The following HDAC8 variants were observed in gnomAD, a reference collection of about 807,000 sequenced individuals.
HDAC8 encodes the protein histone deacetylase 8, also known as histone deacetylase-like 1.
Under a neutral mutation model 32.2 loss-of-function variants are expected in HDAC8, and 1 was observed. That is an observed-to-expected ratio of 0.03 (90% confidence interval 0.01 to 0.15). The LOEUF is 0.15. HDAC8 is among the 10% of genes least tolerant of loss of function. The pLI is 1.00. For missense variants in HDAC8, 117 were observed against 300.0 expected (o/e 0.39, Z 4.51); for synonymous variants, 108 against 113.9 (o/e 0.95, Z 0.33).
At chrX:72,346,848 C>T (rs1366774543) in intron 10 of HDAC8, among the ~76,000 whole-genome samples, 1 of 112,130 alleles carries the variant, frequency 8.9e-6, no homozygotes, top group Non-Finnish European at 1.9e-5. Flanking sequence ...AGGCTGTCTT[C>T]TTCCCATTTC....
intron 10 of HDAC8, among the ~76,000 whole-genome samples, chrX:72,335,928 TAAC>T (rs1205579004): frequency 2.3e-3 from 242 of 103,498 alleles, no homozygotes; most frequent in African/African-American, 7.0e-3. Flanking sequence ...AAAAAAAAAT[TAAC>T]AACAACAACA....
chrX:72,361,947 C>T (rs782243433), intron 9 of HDAC8, among the ~76,000 whole-genome samples: 3 of 111,667 alleles, frequency 2.7e-5, no homozygotes, highest in African/African-American at 9.8e-5. Flanking sequence ...GAGATATGAA[C>T]TTGAACCAAT....
At chrX:72,520,549 A>G (rs1164714489) in intron 4 of HDAC8, among the ~76,000 whole-genome samples, 2 of 112,268 alleles carry the variant, frequency 1.8e-5, no homozygotes, top group African/African-American at 6.5e-5. Context: ...ATTTGAAAGT[A>G]AGCTACAAAT....
chrX:72,539,784 A>C (rs980323552), intron 4 of HDAC8, among the ~76,000 whole-genome samples: 2 of 111,523 alleles, frequency 1.8e-5, no homozygotes, highest in African/African-American at 6.5e-5. Flanking sequence ...CCAGACACCC[A>C]AAATCCCTTC....
intron 9 of HDAC8, among the ~76,000 whole-genome samples, chrX:72,409,017 C>G (rs1330149435): frequency 8.9e-6 from 1 of 112,210 alleles, no homozygotes; most frequent in Non-Finnish European, 1.9e-5. Context: ...GAGTGGTGAG[C>G]TGACTTCCTT....
intron 9 of HDAC8, among the ~76,000 whole-genome samples, chrX:72,403,095 AT>A (rs1298089923): frequency 8.9e-6 from 1 of 111,826 alleles, no homozygotes; most frequent in Non-Finnish European, 1.9e-5. Flanking sequence ...TTTTAAAAAA[AT>A]CTCATCTGAC....
chrX:72,507,302 G>A (rs2049426603), intron 4 of HDAC8, among the ~76,000 whole-genome samples: 1 of 111,945 alleles, frequency 8.9e-6, no homozygotes, highest in Admixed American at 9.4e-5. Context: ...CTATTTCTTA[G>A]ACTTCAGCTT....
chrX:72,425,467 A>G (rs2046613275), intron 9 of HDAC8, among the ~76,000 whole-genome samples: 1 of 111,596 alleles, frequency 9.0e-6, no homozygotes, highest in Admixed American at 9.5e-5. Context: ...CTATCTTGGT[A>G]TGTTCCATGG....
At chrX:72,500,397 G>A (rs1317189811) in intron 4 of HDAC8, among the ~76,000 whole-genome samples, 2 of 111,452 alleles carry the variant, frequency 1.8e-5, no homozygotes, top group Admixed American at 9.6e-5. Flanking sequence ...ATTGCAAACC[G>A]AATCCAGCAA....
At chrX:72,410,584 C>A (rs1223306253) in intron 9 of HDAC8, among the ~76,000 whole-genome samples, 1 of 111,867 alleles carries the variant, frequency 8.9e-6, no homozygotes, top group Non-Finnish European at 1.9e-5. Flanking sequence ...GCCTTAGTTT[C>A]CTCAGCAGTA....
At chrX:72,430,967 G>A (rs1045237194) in intron 9 of HDAC8, among the ~76,000 whole-genome samples, 4 of 111,592 alleles carry the variant, frequency 3.6e-5, no homozygotes, top group Non-Finnish European at 7.5e-5. Flanking sequence ...TTTCTACTTC[G>A]CTGCCTCTAT....
intron 10 of HDAC8, among the ~76,000 whole-genome samples, chrX:72,339,311 G>A (rs1208783030): frequency 2.7e-5 from 3 of 112,398 alleles, no homozygotes; most frequent in Non-Finnish European, 5.6e-5. Flanking sequence ...CTGGGTGCTG[G>A]GGTCACAGAG....
At chrX:72,475,812 C>T (rs2048318433) in intron 7 of HDAC8, among the ~76,000 whole-genome samples, 1 of 111,595 alleles carries the variant, frequency 9.0e-6, no homozygotes, top group Non-Finnish European at 1.9e-5. Context: ...ACCTTAAACT[C>T]CCAAACCAAC....
At chrX:72,524,238 C>T (rs2050068541) in intron 4 of HDAC8, among the ~76,000 whole-genome samples, 1 of 111,906 alleles carries the variant, frequency 8.9e-6, no homozygotes, top group Admixed American at 9.4e-5. Context: ...CTTCTGAGCT[C>T]TTTATTTACT....
At chrX:72,342,814 C>T (rs978085990) in intron 10 of HDAC8, among the ~76,000 whole-genome samples, 12 of 111,644 alleles carry the variant, frequency 1.1e-4, no homozygotes, top group African/African-American at 3.9e-4. Flanking sequence ...TCCTATCTTC[C>T]GCACTTACCT....
At chrX:72,491,457 G>A (rs1191567744) in intron 5 of HDAC8, among the ~76,000 whole-genome samples, 2 of 112,176 alleles carry the variant, frequency 1.8e-5, no homozygotes, top group South Asian at 3.7e-4. Context: ...GACGTACAAC[G>A]TGATAACCCT....
chrX:72,477,682 G>A (rs895195155), intron 7 of HDAC8, among the ~76,000 whole-genome samples: 4 of 112,521 alleles, frequency 3.6e-5, no homozygotes, highest in African/African-American at 1.3e-4. Context: ...GACATTGCAT[G>A]GTTTTTGTGG....
At chrX:72,364,379 G>A (rs2044639903) in intron 9 of HDAC8, among the ~76,000 whole-genome samples, 1 of 111,594 alleles carries the variant, frequency 9.0e-6, no homozygotes, top group Non-Finnish European at 1.9e-5. Flanking sequence ...TCACGCCTAT[G>A]TGGAGATCCT....
chrX:72,542,768 C>A (rs1487198368), intron 4 of HDAC8, among the ~76,000 whole-genome samples: 1 of 112,045 alleles, frequency 8.9e-6, no homozygotes, highest in Non-Finnish European at 1.9e-5. Flanking sequence ...TATAAAGAGT[C>A]CTTCAATTTT....
Sources: allele counts gnomAD v4.1 joint callset (sites outside exome capture counted in the v4.1 genomes callset), GRCh38; gene constraint gnomAD v4.1.1; transcripts MANE v1.5; gene names NCBI Gene and HGNC (gene_info 2026-07-23, HGNC 2026-07-21).